Variants in DDX3X observed in about 807,000 individuals in gnomAD.
DDX3X encodes the protein DEAD-box helicase 3 X-linked, also known as ATP-dependent RNA helicase DDX3X.
A neutral mutation model predicts 52.7 loss-of-function variants in DDX3X; 4 were observed. The ratio of observed to expected loss-of-function variants is 0.08; its 90% CI spans 0.04 to 0.17. The LOEUF (loss-of-function observed/expected upper bound fraction) is 0.17, where lower values mean the gene tolerates loss of function less well. DDX3X is among the 10% of genes least tolerant of loss of function. DDX3X has a pLI of 1.00. For missense variants in DDX3X, 222 were observed against 548.6 expected, an observed-to-expected ratio of 0.40 and a Z score of 5.95; for synonymous variants, 192 against 178.1, an observed-to-expected ratio of 1.08 and a Z score of -0.62.
chrX:41,355,488 G>C lies in DDX3X; in HGVS notation c.654+8037G>C, dbSNP rs1445907299. On this transcript the variant is annotated intron_variant, in intron 5 of 5. Coordinates refer to the DDX3X transcript ENST00000616050. ...TATTCTTACTATTATTATTTTTTGA[G>C]ACAGGGTCCCACTCTGTCACCCAGG... Among the ~76,000 whole-genome samples, 18 of 109,891 alleles carry C rather than the reference G, an allele frequency of 1.6e-4. 1 individual carries two copies. Among genetic ancestry groups the C allele is most frequent in the Non-Finnish European group, 1.9e-5 (1 of 52,726 alleles).
intron 3 of DDX3X, chrX:41,340,301 C>T (rs762650072): frequency 8.9e-6 from 1 of 112,134 alleles, no homozygotes; most frequent in East Asian, 2.8e-4. Flanking sequence ...CTAGAATTGA[C>T]CCTCGTGTAT....
chrX:41,362,963 A>C (rs1156462368), intron 5 of DDX3X, among the ~76,000 whole-genome samples: 1 of 112,002 alleles, frequency 8.9e-6, no homozygotes, highest in Non-Finnish European at 1.9e-5. Flanking sequence ...CTAACATGAA[A>C]GCACTTTTAC....
chrX:41,351,497 A>G (rs1345315482), downstream of DDX3X: 1 of 111,224 alleles, frequency 9.0e-6, no homozygotes, highest in East Asian at 2.8e-4. Context: ...TTGAGTGGCC[A>G]CAGGCTTGCT....
At chrX:41,334,620 C>T (rs1026013476) in intron 1 of DDX3X, 1 of 1,089,787 alleles carries the variant, frequency 9.2e-7, no homozygotes, top group Non-Finnish European at 1.2e-6. Flanking sequence ...GATTAGTGAC[C>T]TGGGGGGGTT....
intron 5 of DDX3X, among the ~76,000 whole-genome samples, chrX:41,361,717 CACAA>C (rs2064030560): frequency 9.0e-6 from 1 of 110,791 alleles, no homozygotes; most frequent in Non-Finnish European, 1.9e-5. Context: ...GACAATATAT[CACAA>C]ACAAATCCCG....
upstream of DDX3X, chrX:41,333,712 A>G (rs371384625): frequency 9.1e-4 from 98 of 107,737 alleles, no homozygotes; most frequent in South Asian, 0.015. Flanking sequence ...CAGTGTTAGG[A>G]AAAAAAAAAC....
chrX:41,360,744 A>T (rs2064026564), intron 5 of DDX3X, among the ~76,000 whole-genome samples: 1 of 110,864 alleles, frequency 9.0e-6, no homozygotes, highest in Admixed American at 9.7e-5. Flanking sequence ...CACCCAGCCT[A>T]GTGCCTCTGT....
chrX:41,352,687 A>G (rs2063993658), downstream of DDX3X, among the ~76,000 whole-genome samples: 1 of 111,338 alleles, frequency 9.0e-6, no homozygotes, highest in Non-Finnish European at 1.9e-5. Context: ...TTGCAACAGA[A>G]AGTACCTGGG....
chrX:41,352,086 C>T (rs2063990595), downstream of DDX3X, among the ~76,000 whole-genome samples: 1 of 110,520 alleles, frequency 9.0e-6, no homozygotes, highest in Non-Finnish European at 1.9e-5. Flanking sequence ...AAAGTGGAAA[C>T]AAAAATGTCC....
At chrX:41,337,066 T>A (rs2063781621) in intron 1 of DDX3X, among the ~76,000 whole-genome samples, 1 of 112,555 alleles carries the variant, frequency 8.9e-6, no homozygotes, top group Non-Finnish European at 1.9e-5. Context: ...AGATTCAGTG[T>A]AAGCTTTAGT....
At position 41,346,938 on chromosome X, in the gene DDX3X, A is replaced by G; in HGVS notation, c.1695A>G (p.Gln565=). 1 of 1,210,464 alleles carries G rather than the reference A, an allele frequency of 8.3e-7. No homozygotes were observed. Residue 565 remains glutamine, a synonymous_variant, in exon 15 of 17, where the codon CAA becomes CAG. Coordinates refer to ENST00000644876, the MANE Select transcript of DDX3X (RefSeq NM_001356.5). ...TGGATCTTCTTGTTGAAGCTAAACA[A>G]GAAGTGCCGTCTTGGTTAGAAAACA... ...DLLDLLVEAK[Q]EVPSWLENMA...
intron 5 of DDX3X, among the ~76,000 whole-genome samples, chrX:41,363,708 G>A (rs771439740): frequency 4.5e-5 from 5 of 110,248 alleles, no homozygotes; most frequent in Admixed American, 2.0e-4. Flanking sequence ...ACTTGAACCC[G>A]GGAGGCAAAG....
At chrX:41,353,472 AATAT>A (rs1206874241), downstream of DDX3X, among the ~76,000 whole-genome samples, 1 of 104,183 alleles carries the variant, frequency 9.6e-6, no homozygotes, top group African/African-American at 3.5e-5. Context: ...CATCTCAAAA[AATAT>A]ATATATATTG....
rs1302694358 is a variant in DDX3X at position 41,346,849 on chromosome X, ACT to A, written c.1616-7_1616-6del. The A allele has an allele frequency of 5.9e-6, 7 of 1,188,779 alleles. No homozygotes were observed. The highest frequency in any genetic ancestry group is 2.4e-4 in the Middle Eastern group (1 of 4,202). ...CCTTTGTTTATATACTTTTTTGGGAACTCTTTTAGGCCTGGCAACCTCATTCT... is the reference window on the plus strand; with the variant it reads ...CCTTTGTTTATATACTTTTTTGGGAACTTTTAGGCCTGGCAACCTCATTCT... On this transcript the variant is annotated splice_region_variant and splice_polypyrimidine_tract_variant and intron_variant, in intron 14 of 16. Coordinates refer to ENST00000644876, the MANE Select transcript of DDX3X (RefSeq NM_001356.5).
downstream of DDX3X, among the ~76,000 whole-genome samples, chrX:41,354,063 T>C (rs1182185382): frequency 2.7e-5 from 3 of 111,307 alleles, no homozygotes; most frequent in African/African-American, 9.8e-5. Context: ...TTAAAATGTA[T>C]TTTCTAATAA....
At chrX:41,353,808 A>G (rs188623669), downstream of DDX3X, among the ~76,000 whole-genome samples, 3 of 103,474 alleles carry the variant, frequency 2.9e-5, no homozygotes, top group East Asian at 8.8e-4. Flanking sequence ...ACACGCATAC[A>G]CACACACACA....
At chrX:41,343,090 A>G (rs915761966) in intron 6 of DDX3X, 126 bp from the exon 7 acceptor site, 6 of 851,749 alleles carry the variant, frequency 7.0e-6, no homozygotes, top group African/African-American at 2.1e-5. Context: ...TCAAAGTATA[A>G]TGTGATAATT....
rs762728616 is a variant in DDX3X at position 41,346,576 on chromosome X, A to G, written c.1569A>G (p.Glu523=). The change falls in exon 14 of 17, where the codon GAA becomes GAG. Residue 523 remains glutamate (E), a synonymous_variant. Transcript: ENST00000644876. Reference sequence around the variant, plus strand: ...ATTTTGACTTGCCAAGTGATATTGAAGAATATGTACATCGTATTGGTCGTA... The same window carrying G: ...ATTTTGACTTGCCAAGTGATATTGAGGAATATGTACATCGTATTGGTCGTA... ...VINFDLPSDI[E]EYVHRIGRTG... The G allele has an allele frequency of 9.9e-6, 12 of 1,208,685 alleles. No individual in the cohort carries two copies. In the South Asian group the frequency reaches 1.8e-4, roughly 18 times the overall value.
rs749041943 is a variant in DDX3X at position 41,349,806 on chromosome X, ACTTGT to A, written c.*2091_*2095del. On this transcript the variant is annotated 3_prime_UTR_variant, in exon 17 of 17. Transcript: ENST00000644876. ...TTAAATCATGCCAAGGTTTTGATAC[ACTTGT>A]CTTAAGATATTAATGAAACACTTCA... The A allele has an allele frequency of 9.0e-6, 1 of 111,635 alleles. No homozygotes were observed. Among genetic ancestry groups the A allele is most frequent in the South Asian group, 3.7e-4 (1 of 2,707 alleles). The allele number at this position is 111,635 out of a possible 1,213,427, so 9.2% of individuals were successfully genotyped here. A position where few individuals can be genotyped will look rare whatever the true frequency, so the allele number is the denominator to read the frequency against.
Sources: allele counts gnomAD v4.1 joint callset (sites outside exome capture counted in the v4.1 genomes callset), GRCh38; gene constraint gnomAD v4.1.1; transcripts MANE v1.5; gene names NCBI Gene and HGNC (gene_info 2026-07-23, HGNC 2026-07-21).